Variants in ATP13A5 observed in about 807,000 individuals in gnomAD.
The protein encoded by ATP13A5 is probable cation-transporting ATPase 13A5.
Under a neutral mutation model 150.2 loss-of-function variants are expected in ATP13A5, and 149 were observed. The ratio of observed to expected loss-of-function variants is 0.99; its 90% CI spans 0.87 to 1.14. The LOEUF is 1.14. Ranked by LOEUF, ATP13A5 falls within the 50% of genes most tolerant of loss-of-function variation. The pLI, the probability that ATP13A5 is intolerant of heterozygous loss-of-function variation, is 0.00. For synonymous variants in ATP13A5, 497 were observed against 522.2 expected (o/e 0.95, Z 0.66); for missense variants, 1,383 against 1,449.3 (o/e 0.95, Z 0.74).
rs1190318163 is a variant in ATP13A5 at position 193,285,085 on chromosome 3, A to G, written c.3055T>C (p.Ser1019Pro). 1.2e-6 allele frequency: 2 copies of G among 1,613,878 alleles called. No individual in the cohort carries two copies. The highest frequency in any genetic ancestry group is 1.3e-5 in the African/African-American group (1 of 74,926). ...ECFLANQSNF[S>P]TNVSLERNWT... ...TTTCTTTCCAAACTCACATTTGTTG[A>G]AAAATTACTTTGGTTGGCCAGAAAA... Residue 1019 changes from serine to proline, a missense_variant, in exon 27 of 30, where the codon TCA becomes CCA. This residue lies in a region of ATP13A5 where 568 missense variants were observed against 621.5 expected (regional missense o/e 0.91). Transcript: ENST00000342358.
intron 6 of ATP13A5, 36 bp from the exon 7 acceptor site, chr3:193,351,237 T>C (rs1258191681): frequency 1.9e-6 from 3 of 1,612,554 alleles, no homozygotes; most frequent in Admixed American, 3.3e-5. Flanking sequence ...GTCACTTGCA[T>C]GAACCTTAGT....
rs754590482 is a variant in ATP13A5 at position 193,290,039 on chromosome 3, G to C, written c.2869C>G (p.Pro957Ala). The C allele has an allele frequency of 1.9e-6, 3 of 1,608,400 alleles. No homozygotes were observed. In the South Asian group the frequency reaches 3.3e-5, roughly 18 times the overall value. Residue 957 changes from proline to alanine, a missense_variant, in exon 26 of 30, where the codon CCA becomes GCA. Pro to Ala is a conservative substitution (Grantham distance 27). Coordinates refer to ENST00000342358, the MANE Select transcript of ATP13A5 (RefSeq NM_198505.4). ...GCTGGTCTATATGGAGCCAGCTTTG[G>C]GTAGGCATGAGTTGAACTCACTGAA... The part of the protein sequence containing the change: ...CLTMSSTHAY[P>A]KLAPYRPAGQ...
At chr3:193,374,810 C>A (rs1369740696) in intron 1 of ATP13A5, among the ~76,000 whole-genome samples, 1 of 152,166 alleles carries the variant, frequency 6.6e-6, no homozygotes, top group African/African-American at 2.4e-5. Context: ...AATTAGATTA[C>A]AAGTCTCTGC....
chr3:193,294,081 A>G (rs1042425558), intron 25 of ATP13A5, among the ~76,000 whole-genome samples: 3 of 152,164 alleles, frequency 2.0e-5, no homozygotes, highest in Non-Finnish European at 2.9e-5. Flanking sequence ...CTCATTAGCT[A>G]TAAGAAAACA....
At chr3:193,360,469 A>G (rs1712961785) in intron 5 of ATP13A5, among the ~76,000 whole-genome samples, 1 of 152,132 alleles carries the variant, frequency 6.6e-6, no homozygotes, top group African/African-American at 2.4e-5. Flanking sequence ...ATATTACTCA[A>G]CCATCCATCA....
Position 193,345,089 on chromosome 3 carries a change from G to A in ATP13A5, c.742-14C>T. The A allele has an allele frequency of 1.2e-6, 2 of 1,610,320 alleles. No homozygotes were observed. The highest frequency in any genetic ancestry group is 1.7e-6 in the Non-Finnish European group (2 of 1,176,730). On this transcript the variant is annotated splice_polypyrimidine_tract_variant and intron_variant, in intron 7 of 29. Transcript: ENST00000342358. ...CTTAACTGATTGCTACCAAGTAAAA[G>A]TTAACATTTAAACATTAGATAGTTC...
chr3:193,352,676 T>TA (rs1219522816), intron 6 of ATP13A5, among the ~76,000 whole-genome samples: 1 of 152,200 alleles, frequency 6.6e-6, no homozygotes. Flanking sequence ...GCAGGACGTA[T>TA]ATGGGAAATC....
chr3:193,362,536 T>C (rs765099657), intron 4 of ATP13A5, 31 bp downstream of exon 4: 4 of 1,613,420 alleles, frequency 2.5e-6, no homozygotes, highest in Admixed American at 3.3e-5. Context: ...CCCTATATCC[T>C]GACCAAGGGG....
At chr3:193,310,403 T>C (rs1718796161) in intron 21 of ATP13A5, among the ~76,000 whole-genome samples, 1 of 152,226 alleles carries the variant, frequency 6.6e-6, no homozygotes, top group African/African-American at 2.4e-5. Flanking sequence ...GGTTGCTGGT[T>C]CAAATGGTAG....
intron 25 of ATP13A5, among the ~76,000 whole-genome samples, chr3:193,293,719 C>T (rs1718056472): frequency 6.6e-6 from 1 of 151,996 alleles, no homozygotes; most frequent in Non-Finnish European, 1.5e-5. Flanking sequence ...CATGAACCCA[C>T]CTAAACTACA....
chr3:193,299,108 G>T, intron 25 of ATP13A5, 23 bp downstream of exon 25: 1 of 1,561,044 alleles, frequency 6.4e-7, no homozygotes. Context: ...AAACAATATA[G>T]TTTTCTTTGC....
chr3:193,374,358 T>C (rs1409183206), intron 1 of ATP13A5, among the ~76,000 whole-genome samples: 1 of 148,294 alleles, frequency 6.7e-6, no homozygotes, highest in Admixed American at 6.8e-5. Context: ...TAAGGTGCAT[T>C]GTGGCTGGGT....
chr3:193,332,063 C>A (rs887776290), intron 11 of ATP13A5, among the ~76,000 whole-genome samples: 3 of 152,152 alleles, frequency 2.0e-5, no homozygotes, highest in African/African-American at 4.8e-5. Flanking sequence ...CAAATCTCGT[C>A]TTGAATTGTA....
chr3:193,344,255 G>A (rs748616248), intron 8 of ATP13A5, among the ~76,000 whole-genome samples, 200 bp from the exon 9 acceptor site: 3 of 152,186 alleles, frequency 2.0e-5, no homozygotes, highest in Admixed American at 6.5e-5. Context: ...AAAAGGATTA[G>A]CTAAGCAACA....
chr3:193,362,574 T>A lies in ATP13A5; in HGVS notation c.448A>T (p.Lys150Ter), dbSNP rs779339356. ...VWNDLEKRFQKVGLLEDSNSC... is the reference protein window; with the variant it reads ...VWNDLEKRFQ ...ACAAAACATTGTACTTACCCAACTT[T>A]CTGAAACCGCTTCTCCAGGTCGTTC... Residue 150 changes from lysine (K) to a stop codon, truncating the protein, a stop_gained, in exon 4 of 30, where the codon AAA becomes TAA. Transcript: ENST00000342358. LOFTEE classifies it high-confidence loss of function. 20 of 1,614,068 alleles carry A rather than the reference T, an allele frequency of 1.2e-5. No homozygotes were observed. Among genetic ancestry groups the A allele is most frequent in the Admixed American group, 6.7e-5 (4 of 60,010 alleles).
At chr3:193,289,037 C>T (rs1198379534) in intron 26 of ATP13A5, among the ~76,000 whole-genome samples, 3 of 152,124 alleles carry the variant, frequency 2.0e-5, no homozygotes, top group African/African-American at 7.2e-5. Context: ...CCTAGTTATA[C>T]TTAAATTGCC....
In ATP13A5 at chr3:193,320,074, T is replaced by G. The variant is rs1359604442; in HGVS notation, c.1916-966A>C. On this transcript the variant is annotated intron_variant, in intron 16 of 29. Transcript: ENST00000342358. The stretch of plus-strand genomic sequence containing the variant: ...AACTATGTTTATAAAATCTTTATGA[T>G]TTATAACGTACCTATAAGGGTATTA... 2.6e-5 allele frequency among the ~76,000 whole-genome samples: 4 copies of G among 152,246 alleles called. No homozygotes were observed. In the East Asian group the frequency reaches 7.7e-4, roughly 29 times the overall value.
intron 28 of ATP13A5, chr3:193,277,704 T>C (rs1717287891): frequency 6.6e-6 from 1 of 152,248 alleles, no homozygotes; most frequent in Non-Finnish European, 1.5e-5. Flanking sequence ...TAAAGGGTTG[T>C]TTGGAAAAGC....
chr3:193,295,252 T>G (rs1718119750), intron 25 of ATP13A5, among the ~76,000 whole-genome samples: 1 of 152,052 alleles, frequency 6.6e-6, no homozygotes, highest in South Asian at 2.1e-4. Context: ...CCCATATTTA[T>G]CAGCTTTCTC....
Sources: allele counts gnomAD v4.1 joint callset (sites outside exome capture counted in the v4.1 genomes callset), GRCh38; gene constraint gnomAD v4.1.1; regional missense constraint gnomAD v4.1.1; transcripts MANE v1.5; gene names NCBI Gene and HGNC (gene_info 2026-07-23, HGNC 2026-07-21).